The following MISP variants were observed in gnomAD, a reference collection of about 807,000 sequenced individuals.
The protein encoded by MISP is mitotic spindle positioning.
Under a neutral mutation model 49.3 loss-of-function variants are expected in MISP, and 51 were observed. The ratio of observed to expected loss-of-function variants is 1.03; its 90% CI spans 0.83 to 1.31. The LOEUF (loss-of-function observed/expected upper bound fraction) is 1.31. Ranked by LOEUF, MISP falls within the 50% of genes most tolerant of loss-of-function variation. The pLI is 0.00. For synonymous variants in MISP, 444 were observed against 392.6 expected (o/e 1.13, Z -1.55); for missense variants, 1,084 against 935.1 (o/e 1.16, Z -2.08).
chr19:749,659 T>C (rs373966467), upstream of MISP, among the ~76,000 whole-genome samples: 1 of 152,146 alleles, frequency 6.6e-6, no homozygotes, highest in African/African-American at 2.4e-5. Flanking sequence ...GGCAAAACCC[T>C]GTCTCTACTA....
chr19:754,392 G>A (rs2033510991), intron 1 of MISP, among the ~76,000 whole-genome samples: 4 of 152,156 alleles, frequency 2.6e-5, no homozygotes, highest in Admixed American at 1.3e-4. Context: ...GAACCTGGGA[G>A]GCAGAGCTTG....
At chr19:748,845 A>G (rs978425104), upstream of MISP, among the ~76,000 whole-genome samples, 1 of 152,188 alleles carries the variant, frequency 6.6e-6, no homozygotes, top group South Asian at 2.1e-4. Flanking sequence ...CATCTGTAAA[A>G]TAAGCCTTCG....
chr19:754,730 G>A (rs2033518307), intron 1 of MISP, among the ~76,000 whole-genome samples: 1 of 152,214 alleles, frequency 6.6e-6, no homozygotes. Context: ...GTTACTTCCT[G>A]GAGGAGGTGT....
upstream of MISP, among the ~76,000 whole-genome samples, chr19:748,750 C>T (rs528052813): frequency 1.3e-5 from 2 of 152,320 alleles, no homozygotes; most frequent in Admixed American, 1.3e-4. Flanking sequence ...GTGTCATGCT[C>T]ACGGGAAGGT....
At position 760,034 on chromosome 19, in the gene MISP, C is replaced by A. The variant is rs2033648263; in HGVS notation, c.1906C>A (p.Gln636Lys). The A allele has an allele frequency of 1.9e-6, 3 of 1,613,598 alleles. No homozygotes were observed. The highest frequency in any genetic ancestry group is 2.7e-5 in the African/African-American group (2 of 74,852). The part of the protein sequence containing the change: ...SAPPGQRKKE[Q>K]WYAGINPSDG... ...TCCTCCCGGGCAGAGAAAGAAGGAG[C>A]AATGGGTGAGTCTGGAACCCGTCTC... The change falls in exon 3 of 5, where the codon CAA (glutamine) becomes AAA (lysine). Residue 636 changes from glutamine to lysine, a missense_variant. Coordinates refer to ENST00000215582, the MANE Select transcript of MISP (RefSeq NM_173481.4).
chr19:761,429 G>GAAC (rs2033670461), intron 3 of MISP, among the ~76,000 whole-genome samples, 196 bp from the exon 4 acceptor site: 1 of 152,026 alleles, frequency 6.6e-6, no homozygotes, highest in Non-Finnish European at 1.5e-5. Flanking sequence ...GCACTGAGGG[G>GAAC]AACAGCATGA....
chr19:756,240 G>T (rs1264585457), intron 1 of MISP, among the ~76,000 whole-genome samples: 1 of 152,176 alleles, frequency 6.6e-6, no homozygotes, highest in Non-Finnish European at 1.5e-5. Context: ...CGGGAAGAGG[G>T]TCCCATCTTC....
chr19:754,055 C>T (rs1219759471), intron 1 of MISP, among the ~76,000 whole-genome samples: 1 of 152,166 alleles, frequency 6.6e-6, no homozygotes, highest in African/African-American at 2.4e-5. Flanking sequence ...CGGTGGCTCA[C>T]GCCTGTAATC....
intron 1 of MISP, among the ~76,000 whole-genome samples, chr19:754,006 T>G (rs1041053017): frequency 6.6e-6 from 1 of 152,116 alleles, no homozygotes. Flanking sequence ...CAGGTGAGGC[T>G]TCCTTTCCTC....
chr19:756,430 G>A (rs1183702557), intron 1 of MISP, among the ~76,000 whole-genome samples: 1 of 152,096 alleles, frequency 6.6e-6, no homozygotes, highest in Non-Finnish European at 1.5e-5. Flanking sequence ...TGATCAGGAT[G>A]AGTCACTTAC....
upstream of MISP, among the ~76,000 whole-genome samples, chr19:748,508 A>G (rs2033409317): frequency 6.6e-6 from 1 of 151,876 alleles, no homozygotes; most frequent in Non-Finnish European, 1.5e-5. Context: ...TGGAATCCCC[A>G]CTGTGCAGGT....
At chr19:749,606 G>A (rs928397992), upstream of MISP, among the ~76,000 whole-genome samples, 2 of 152,198 alleles carry the variant, frequency 1.3e-5, no homozygotes, top group Non-Finnish European at 2.9e-5. Flanking sequence ...TGAGGCGGGG[G>A]CATCACCTGA....
At chr19:760,853 C>A (rs1441329807) in intron 3 of MISP, among the ~76,000 whole-genome samples, 1 of 151,996 alleles carries the variant, frequency 6.6e-6, no homozygotes, top group Non-Finnish European at 1.5e-5. Flanking sequence ...GGTGGTCTCA[C>A]ATGCCCAGGG....
At chr19:763,060 C>A (rs984720845) in intron 4 of MISP, among the ~76,000 whole-genome samples, 2 of 152,064 alleles carry the variant, frequency 1.3e-5, no homozygotes, top group Admixed American at 6.6e-5. Flanking sequence ...GAGGCCGAGG[C>A]GGGAGGATCA....
intron 4 of MISP, among the ~76,000 whole-genome samples, chr19:762,108 C>T (rs1446009475): frequency 5.0e-5 from 6 of 120,790 alleles, no homozygotes; most frequent in East Asian, 2.8e-4. Context: ...CCACCACGCC[C>T]GGCTATTTTT....
intron 1 of MISP, among the ~76,000 whole-genome samples, chr19:753,984 T>A (rs1292609405): frequency 1.3e-5 from 2 of 152,116 alleles, no homozygotes; most frequent in East Asian, 3.9e-4. Context: ...GCTTTTGAGA[T>A]CCCTGTGTCT....
chr19:758,251 G>C lies in MISP; in HGVS notation c.1305G>C (p.Gln435His), dbSNP rs747228983. The C allele has an allele frequency of 1.2e-6, 2 of 1,613,562 alleles. No individual in the cohort carries two copies. The highest frequency in any genetic ancestry group is 1.3e-5 in the African/African-American group (1 of 74,948). ...CGTACCTGAGCCCCGGGACCCCCCA[G>C]CTAGAATTCTCAGCCTTCGGAGCAT... ...YQPYLSPGTPQLEFSAFGAFG... is the reference protein window; with the variant it reads ...YQPYLSPGTPHLEFSAFGAFG... The change falls in exon 2 of 5, where the codon CAG becomes CAC. Residue 435 changes from glutamine to histidine, a missense_variant. Coordinates refer to ENST00000215582, the MANE Select transcript of MISP (RefSeq NM_173481.4).
intron 1 of MISP, among the ~76,000 whole-genome samples, chr19:754,218 A>G (rs1204153029): frequency 6.6e-6 from 1 of 152,096 alleles, no homozygotes; most frequent in Admixed American, 6.5e-5. Context: ...TAATCCCAAC[A>G]CTTTGGGAGG....
At position 757,485 on chromosome 19, in the gene MISP, C is replaced by T. The variant is rs1185806927; in HGVS notation, c.539C>T (p.Pro180Leu). 1.3e-6 allele frequency: 2 copies of T among 1,599,658 alleles called. No homozygotes were observed. The highest frequency in any genetic ancestry group is 2.7e-5 in the African/African-American group (2 of 74,844). The change falls in exon 2 of 5, where the codon CCC becomes CTC. Residue 180 changes from proline (P) to leucine (L), a missense_variant. Coordinates refer to ENST00000215582, the MANE Select transcript of MISP (RefSeq NM_173481.4). ...ACCCCCGGCCCACCTCGGTCCACGCCCCTGGAGGAGAACGTGGTTGACAGG... is the reference window on the plus strand; with the variant it reads ...ACCCCCGGCCCACCTCGGTCCACGCTCCTGGAGGAGAACGTGGTTGACAGG... ...PRTPGPPRST[P>L]LEENVVDREQ...
Sources: allele counts gnomAD v4.1 joint callset (sites outside exome capture counted in the v4.1 genomes callset), GRCh38; gene constraint gnomAD v4.1.1; transcripts MANE v1.5; gene names NCBI Gene and HGNC (gene_info 2026-07-23, HGNC 2026-07-21).